Variants in NEDD4 observed in about 807,000 individuals in gnomAD.
The protein encoded by NEDD4 is E3 ubiquitin-protein ligase NEDD4.
NEDD4 carries 99 observed loss-of-function variants against 144.9 expected under a neutral mutation model. That is an observed-to-expected ratio of 0.68 (90% CI 0.58 to 0.81). The LOEUF (loss-of-function observed/expected upper bound fraction) is 0.81, where lower values mean the gene tolerates loss of function less well. NEDD4 is among the 30% of genes least tolerant of loss of function. NEDD4 has a pLI of 0.00. For synonymous variants in NEDD4, 318 were observed against 350.6 expected, an observed-to-expected ratio of 0.91 and a Z score of 1.04; for missense variants, 985 against 1,065.9, an observed-to-expected ratio of 0.92 and a Z score of 1.06.
At position 55,993,594 on chromosome 15, in the gene NEDD4, G is replaced by T; in HGVS notation, c.-39C>A. 1.3e-6 allele frequency: 2 copies of T among 1,585,956 alleles called. No individual in the cohort carries two copies. The highest frequency in any genetic ancestry group is 1.7e-6 in the Non-Finnish European group (2 of 1,169,320). ...CAGCAAACCGGACGCGCTCGCCCCC[G>T]CCCAGGGCAGGCAACTGTGGAGGAG... On this transcript the variant is annotated 5_prime_UTR_variant, in exon 1 of 29. Transcript: ENST00000435532.
At chr15:55,916,675 G>T in intron 5 of NEDD4, 1 of 1,614,028 alleles carries the variant, frequency 6.2e-7, no homozygotes, top group Non-Finnish European at 8.5e-7. Flanking sequence ...GTCTGTCTGG[G>T]AGTCAGCTTC....
At chr15:55,905,626 T>TA (rs1350534563) in intron 5 of NEDD4, among the ~76,000 whole-genome samples, 2 of 152,170 alleles carry the variant, frequency 1.3e-5, no homozygotes, top group African/African-American at 2.4e-5. Flanking sequence ...ATTGTATTCA[T>TA]AAAAACAAGT....
intron 4 of NEDD4, among the ~76,000 whole-genome samples, chr15:55,937,667 C>T (rs1458523604): frequency 6.6e-6 from 1 of 152,146 alleles, no homozygotes; most frequent in Non-Finnish European, 1.5e-5. Flanking sequence ...AAATAGCCTT[C>T]TTTCAAGACA....
At chr15:55,835,959 A>G (rs2033171686) in intron 24 of NEDD4, among the ~76,000 whole-genome samples, 1 of 152,076 alleles carries the variant, frequency 6.6e-6, no homozygotes, top group African/African-American at 2.4e-5. Flanking sequence ...CACTTCACAC[A>G]CAGGCCCTGT....
At chr15:55,921,165 T>G (rs2036562170) in intron 5 of NEDD4, among the ~76,000 whole-genome samples, 1 of 152,154 alleles carries the variant, frequency 6.6e-6, no homozygotes, top group Non-Finnish European at 1.5e-5. Flanking sequence ...AATATGCTTA[T>G]GAGATAGGCA....
intron 5 of NEDD4, chr15:55,905,361 TG>T: frequency 4.5e-6 from 2 of 444,150 alleles, no homozygotes; most frequent in South Asian, 1.6e-5. Flanking sequence ...CACTAACAAT[TG>T]GGGGGTTTCC....
intron 1 of NEDD4, among the ~76,000 whole-genome samples, chr15:55,990,397 T>C (rs1288581788): frequency 6.6e-6 from 1 of 152,066 alleles, no homozygotes; most frequent in Non-Finnish European, 1.5e-5. Flanking sequence ...GAAAGGTAGA[T>C]GATCAGGAGT....
rs558205040 is a variant in NEDD4 at position 55,919,323 on chromosome 15, C to T, written c.291+5323G>A. ...GTTGTTGTTGAAGTTGATCCAGCCG[C>T]CACTTTTAAAGAAATATCAAAAAGC... On this transcript the variant is annotated intron_variant, in intron 5 of 28. Coordinates refer to ENST00000435532, the MANE Select transcript of NEDD4 (RefSeq NM_006154.4). Among the ~76,000 whole-genome samples the T allele has an allele frequency of 7.2e-4, 109 of 152,200 alleles. 2 individuals carry two copies. The South Asian group carries it at 0.021, about 30-fold the overall frequency.
In NEDD4 at chr15:55,847,000, T is replaced by C. The variant is rs1396484108; in HGVS notation, c.1577A>G (p.Tyr526Cys). Residue 526 changes from tyrosine (Y) to cysteine (C), a missense_variant, in exon 18 of 29, where the codon TAT (tyrosine) becomes TGT (cysteine). Transcript: ENST00000435532. ...CTTCAACTTTCTTCGGAAGAACTCA[T>C]ACTTTCTTTTGTAATCCCTGGAGTA... ...VPYSRDYKRK[Y>C]EFFRRKLKKQ... The C allele has an allele frequency of 6.2e-7, 1 of 1,610,658 alleles. No homozygotes were observed. Among genetic ancestry groups the C allele is most frequent in the African/African-American group, 1.3e-5 (1 of 74,976 alleles).
chr15:55,834,032 A>T lies in NEDD4; in HGVS notation c.2430+6T>A. 6.3e-7 allele frequency: 1 copy of T among 1,597,344 alleles called. No individual in the cohort carries two copies. Among genetic ancestry groups the T allele is most frequent in the Non-Finnish European group, 8.5e-7 (1 of 1,170,828 alleles). On this transcript the variant is annotated splice_donor_region_variant and intron_variant, in intron 26 of 28. Coordinates refer to ENST00000435532, the MANE Select transcript of NEDD4 (RefSeq NM_006154.4). ...GTAAGTTATGAAAATAGAAGTTTCA[A>T]ATTACCTTCCAAAACCACTGTATAA...
At position 55,915,371 on chromosome 15, in the gene NEDD4, C is replaced by CT; in HGVS notation, c.291+9274dup. 4 of 1,613,626 alleles carry CT rather than the reference C, an allele frequency of 2.5e-6. No individual in the cohort carries two copies. In the African/African-American group the frequency reaches 4.0e-5, roughly 16 times the overall value. ...CTTTACCTTCATTTCCAGATGCAAA[C>CT]TTTATGAGTAACTGAGATGGTCCCC... On this transcript the variant is annotated intron_variant, in intron 5 of 28. Transcript: ENST00000435532.
In NEDD4 at chr15:55,856,128, C is replaced by T. The variant is rs757943058; in HGVS notation, c.1026+3G>A. 1 of 1,611,280 alleles carries T rather than the reference C, an allele frequency of 6.2e-7. No individual in the cohort carries two copies. On this transcript the variant is annotated splice_donor_region_variant and intron_variant, in intron 12 of 28. Coordinates refer to ENST00000435532, the MANE Select transcript of NEDD4 (RefSeq NM_006154.4). ...TTGATTGATGGGAGAGGGTAAAACTCACCACAGGAAGTGTAGGTTGTTCCT... is the reference window on the plus strand; with the variant it reads ...TTGATTGATGGGAGAGGGTAAAACTTACCACAGGAAGTGTAGGTTGTTCCT...
intron 4 of NEDD4, 41 bp downstream of exon 4, chr15:55,951,335 A>C: frequency 3.8e-6 from 3 of 797,342 alleles, no homozygotes; most frequent in African/African-American, 1.8e-5. Flanking sequence ...TAAGAAAAAA[A>C]CTTACTTTTT....
chr15:55,969,136 G>C (rs1033613378), intron 1 of NEDD4, among the ~76,000 whole-genome samples: 2 of 152,142 alleles, frequency 1.3e-5, no homozygotes, highest in African/African-American at 4.8e-5. Flanking sequence ...GGGACGAAGG[G>C]CAAAGTGATT....
At chr15:55,953,778 T>C (rs961936950) in intron 2 of NEDD4, among the ~76,000 whole-genome samples, 2 of 152,148 alleles carry the variant, frequency 1.3e-5, no homozygotes, top group Admixed American at 6.5e-5. Flanking sequence ...TGGAGTGCAA[T>C]GGCACGATCT....
rs7175036 is a variant in NEDD4, at chr15:55,894,216, G to A, written c.292-20208C>T. Among the ~76,000 whole-genome samples, 771 of 152,002 alleles carry A rather than the reference G, an allele frequency of 5.1e-3. 6 individuals are homozygous for A. The highest frequency in any genetic ancestry group is 0.017 in the African/African-American group (715 of 41,480). On this transcript the variant is annotated intron_variant, in intron 5 of 28. Transcript: ENST00000435532. ...CTCTATCGGTGGATTCAATCAATCC[G>A]GGATCAAAAATATTTGAAAAGAAAA...
intron 5 of NEDD4, among the ~76,000 whole-genome samples, chr15:55,919,681 G>A (rs1445243045): frequency 1.3e-5 from 2 of 152,154 alleles, no homozygotes; most frequent in Non-Finnish European, 2.9e-5. Context: ...ATCCATGCAA[G>A]TCCTACATAG....
At position 55,993,495 on chromosome 15, in the gene NEDD4, C is replaced by G. The variant is rs573576306; in HGVS notation, c.45+16G>C. ...CCCGAAGGGAAGCCCGCCCCGCAGC[C>G]CCGCGGTCCCCGCACCTCGTCCTCC... On this transcript the variant is annotated intron_variant, in intron 1 of 28. Transcript: ENST00000435532. 10 of 1,595,084 alleles carry G rather than the reference C, an allele frequency of 6.3e-6. No homozygotes were observed. Among genetic ancestry groups the G allele is most frequent in the Non-Finnish European group, 8.5e-6 (10 of 1,173,298 alleles).
At chr15:55,906,298 T>C (rs1433694021) in intron 5 of NEDD4, among the ~76,000 whole-genome samples, 11 of 152,122 alleles carry the variant, frequency 7.2e-5, no homozygotes, top group African/African-American at 2.7e-4. Flanking sequence ...ACCCAAAGGA[T>C]TATAAATCAT....
Sources: gnomAD v4.1 joint callset for allele counts (sites outside exome capture counted in the v4.1 genomes callset) on GRCh38, gnomAD v4.1.1 for gene constraint, MANE v1.5 for transcripts, NCBI Gene and HGNC (gene_info 2026-07-23, HGNC 2026-07-21) for gene names.